LRP1B: variants seen among roughly 807,000 people sequenced by gnomAD.
LRP1B encodes the protein LDL receptor related protein 1B.
A neutral mutation model predicts 556.6 loss-of-function variants in LRP1B; 217 were observed. The observed-to-expected ratio is 0.39, with a 90% CI of 0.35 to 0.44. LRP1B has a LOEUF of 0.44. Among genes scored for constraint, LRP1B ranks in the 20% least tolerant of loss-of-function variants. LRP1B has a pLI of 1.00. For missense variants in LRP1B, 5,053 were observed against 5,620.8 expected (o/e 0.90, Z 3.23); for synonymous variants, 2,047 against 1,865.8 (o/e 1.10, Z -2.50).
At chr2:141,431,823 A>G (rs1301081379) in intron 3 of LRP1B, among the ~76,000 whole-genome samples, 3 of 152,156 alleles carry the variant, frequency 2.0e-5, no homozygotes, top group African/African-American at 7.2e-5. Context: ...CTTGGGTCCT[A>G]CAAGCTGTCT....
intron 3 of LRP1B, among the ~76,000 whole-genome samples, chr2:141,366,662 A>T (rs1046456988): frequency 6.6e-6 from 1 of 152,218 alleles, no homozygotes; most frequent in African/African-American, 2.4e-5. Context: ...TTCTTTCAGA[A>T]AATCATGACA....
At chr2:141,408,206 G>T (rs1159307118) in intron 3 of LRP1B, among the ~76,000 whole-genome samples, 5 of 137,536 alleles carry the variant, frequency 3.6e-5, no homozygotes, top group Non-Finnish European at 7.6e-5. Context: ...GCAGTGGCAT[G>T]ATCTCGGCTC....
intron 7 of LRP1B, among the ~76,000 whole-genome samples, chr2:141,154,785 T>C (rs1302346958): frequency 6.6e-6 from 1 of 151,964 alleles, no homozygotes; most frequent in African/African-American, 2.4e-5. Flanking sequence ...AAAAGTCATT[T>C]CACTTTGTCC....
chr2:140,963,104 A>C (rs781249215), intron 18 of LRP1B, among the ~76,000 whole-genome samples: 12 of 152,188 alleles, frequency 7.9e-5, no homozygotes, highest in Non-Finnish European at 1.6e-4. Context: ...GCAAAGATGC[A>C]TATAGCTTCT....
At chr2:141,502,073 C>T (rs1036402788) in intron 2 of LRP1B, among the ~76,000 whole-genome samples, 1 of 152,160 alleles carries the variant, frequency 6.6e-6, no homozygotes, top group Non-Finnish European at 1.5e-5. Context: ...TCCCCCCAAA[C>T]AAATATAAGA....
At chr2:141,862,643 G>GCATTGGCCTCCCAAAGTGCTGGGAT (rs1698285063) in intron 1 of LRP1B, among the ~76,000 whole-genome samples, 1 of 152,212 alleles carries the variant, frequency 6.6e-6, no homozygotes, top group East Asian at 1.9e-4. Context: ...TCCCGACCTC[G>GCATTGGCCTCCCAAAGTGCTGGGAT]TGATCCACCT....
intron 2 of LRP1B, among the ~76,000 whole-genome samples, chr2:141,591,310 C>T (rs1028555031): frequency 6.6e-6 from 1 of 151,446 alleles, no homozygotes; most frequent in African/African-American, 2.4e-5. Flanking sequence ...TAAATTATCC[C>T]TTCTAGCAAA....
At chr2:142,061,451 A>G (rs1229719164) in intron 1 of LRP1B, among the ~76,000 whole-genome samples, 4 of 152,020 alleles carry the variant, frequency 2.6e-5, no homozygotes, top group African/African-American at 9.7e-5. Context: ...GGAATACAAT[A>G]AAGTATTATG....
At chr2:140,490,611 T>C (rs1688658195) in intron 57 of LRP1B, among the ~76,000 whole-genome samples, 1 of 152,160 alleles carries the variant, frequency 6.6e-6, no homozygotes, top group Non-Finnish European at 1.5e-5. Flanking sequence ...TATTTCATTC[T>C]GCATATGTGG....
intron 31 of LRP1B, among the ~76,000 whole-genome samples, chr2:140,831,972 C>G (rs1335749637): frequency 6.6e-6 from 1 of 152,116 alleles, no homozygotes; most frequent in Non-Finnish European, 1.5e-5. Context: ...AATGGGATAT[C>G]ACCTCACCCC....
intron 2 of LRP1B, among the ~76,000 whole-genome samples, chr2:141,655,330 G>A (rs1212276286): frequency 1.3e-5 from 2 of 152,070 alleles, no homozygotes; most frequent in Admixed American, 6.5e-5. Context: ...AAGGAAGGAG[G>A]AGAGTCATAT....
intron 1 of LRP1B, among the ~76,000 whole-genome samples, chr2:141,987,549 G>GTTTT (rs5834887): frequency 7.9e-5 from 11 of 139,972 alleles, no homozygotes; most frequent in East Asian, 6.2e-4. Context: ...GATTTAAGCT[G>GTTTT]TTTTTTTTTT....
chr2:141,110,586 G>GAAAGACAAATGGCTTTGTGGGAAAAC (rs1700724899), intron 7 of LRP1B, among the ~76,000 whole-genome samples: 1 of 151,908 alleles, frequency 6.6e-6, no homozygotes, highest in Admixed American at 6.6e-5. Flanking sequence ...GTTTCCATAG[G>GAAAGACAAATGGCTTTGTGGGAAAAC]AAAGACAAAT....
chr2:141,910,475 T>C (rs1003835267), intron 1 of LRP1B, among the ~76,000 whole-genome samples: 1 of 146,398 alleles, frequency 6.8e-6, no homozygotes, highest in South Asian at 2.2e-4. Flanking sequence ...TTTTGTAATG[T>C]TCATGCTGAA....
intron 2 of LRP1B, among the ~76,000 whole-genome samples, chr2:141,560,110 G>T (rs1686092889): frequency 6.6e-6 from 1 of 151,472 alleles, no homozygotes. Context: ...AAAAAGAAAA[G>T]AAAATGGTTA....
rs2105362835 is a variant in LRP1B, at chr2:140,485,420, G to C, written c.9348C>G (p.Leu3116=). 1 of 1,613,932 alleles carries C rather than the reference G, an allele frequency of 6.2e-7. No homozygotes were observed. The highest frequency in any genetic ancestry group is 8.5e-7 in the Non-Finnish European group (1 of 1,179,880). ...CGAGTATAGTAGGGTACAAGCCATT[G>C]AGTTTGGATACTTCAATGATTCTTT... ...TEKRIIEVSK[L]NGLYPTILVS... The change falls in exon 59 of 91, where the codon CTC becomes CTG. Residue 3116 remains leucine (L), a synonymous_variant. Coordinates refer to ENST00000389484, the MANE Select transcript of LRP1B (RefSeq NM_018557.3).
chr2:140,825,557 C>T (rs1407080440), intron 31 of LRP1B, among the ~76,000 whole-genome samples: 3 of 152,088 alleles, frequency 2.0e-5, no homozygotes, highest in African/African-American at 7.2e-5. Context: ...GCCAGTATTA[C>T]ATAAAGTCCT....
At chr2:141,656,327 T>C (rs1443475378) in intron 2 of LRP1B, among the ~76,000 whole-genome samples, 1 of 152,164 alleles carries the variant, frequency 6.6e-6, no homozygotes, top group Non-Finnish European at 1.5e-5. Context: ...CTTAATTTTC[T>C]CTCATATGAA....
intron 10 of LRP1B, among the ~76,000 whole-genome samples, chr2:141,053,163 A>G (rs965467152): frequency 1.3e-5 from 2 of 151,988 alleles, no homozygotes; most frequent in Non-Finnish European, 2.9e-5. Context: ...GAATAGTAAA[A>G]AATACATTTC....
Sources: gnomAD v4.1 joint callset for allele counts (sites outside exome capture counted in the v4.1 genomes callset) on GRCh38, gnomAD v4.1.1 for gene constraint, MANE v1.5 for transcripts, NCBI Gene and HGNC (gene_info 2026-07-23, HGNC 2026-07-21) for gene names.